The following ABCA12 variants were observed in gnomAD, a reference collection of about 807,000 sequenced individuals.
ABCA12 encodes the protein ATP binding cassette subfamily A member 12, also known as glucosylceramide transporter ABCA12.
Under a neutral mutation model 293.5 loss-of-function variants are expected in ABCA12, and 156 were observed. That is an observed-to-expected ratio of 0.53 (90% CI 0.47 to 0.61). The LOEUF (loss-of-function observed/expected upper bound fraction) is 0.61. Ranked by LOEUF, ABCA12 falls within the 20% of genes least tolerant of loss-of-function variation. ABCA12 has a pLI of 0.00. For missense variants in ABCA12, 2,797 were observed against 3,090.2 expected, an observed-to-expected ratio of 0.91 and a Z score of 2.25; for synonymous variants, 1,063 against 1,108.0, an observed-to-expected ratio of 0.96 and a Z score of 0.81.
At chr2:215,050,827 G>A in intron 5 of ABCA12, 11 of 985,236 alleles carry the variant, frequency 1.1e-5, no homozygotes, top group Non-Finnish European at 1.3e-5. Flanking sequence ...TCTTGCAAGT[G>A]TTGCAGAAAG....
chr2:215,018,384 G>T (rs1414958547), intron 13 of ABCA12, among the ~76,000 whole-genome samples: 1 of 152,116 alleles, frequency 6.6e-6, no homozygotes, highest in Non-Finnish European at 1.5e-5. Flanking sequence ...GTATCTACAA[G>T]TCAAGGTTTA....
At chr2:215,007,636 A>G in intron 19 of ABCA12, 91 bp downstream of exon 19, 1 of 1,512,964 alleles carries the variant, frequency 6.6e-7, no homozygotes, top group Non-Finnish European at 9.2e-7. Flanking sequence ...GAATACGGAA[A>G]GTTACCCCCT....
intron 11 of ABCA12, 127 bp from the exon 12 acceptor site, chr2:215,019,923 T>A: frequency 8.7e-7 from 1 of 1,143,916 alleles, no homozygotes; most frequent in Non-Finnish European, 1.3e-6. Context: ...TGTGGTTAGT[T>A]GGCATTTGGC....
intron 50 of ABCA12, among the ~76,000 whole-genome samples, chr2:214,937,947 T>C (rs1698272351): frequency 6.6e-6 from 1 of 152,150 alleles, no homozygotes; most frequent in Admixed American, 6.6e-5. Context: ...CTTCCCTTTT[T>C]TTCTTATTTT....
intron 2 of ABCA12, among the ~76,000 whole-genome samples, chr2:215,108,406 T>G (rs572057203): frequency 6.6e-6 from 1 of 152,176 alleles, no homozygotes; most frequent in Non-Finnish European, 1.5e-5. Context: ...TGTGAAAAAT[T>G]AGTACTGACT....
chr2:215,097,859 T>C (rs377409977), intron 2 of ABCA12, among the ~76,000 whole-genome samples: 10 of 152,304 alleles, frequency 6.6e-5, no homozygotes, highest in African/African-American at 2.4e-4. Flanking sequence ...AATTTCCACA[T>C]AAAACCAAAG....
Position 214,975,990 on chromosome 2 carries a change from G to A in ABCA12, c.5176C>T (p.Leu1726=). ...ATGAGTATAGCCATGATCTTCTTCAGCAACAGTCCAAAGCCATCCAGCCTC... is the reference window on the plus strand; with the variant it reads ...ATGAGTATAGCCATGATCTTCTTCAACAACAGTCCAAAGCCATCCAGCCTC... ...GERLDGFGLL[L]KKIMAILIKR... The change falls in exon 34 of 53, where the codon CTG becomes TTG. Residue 1726 remains leucine (L), a synonymous_variant. Coordinates refer to ENST00000272895, the MANE Select transcript of ABCA12 (RefSeq NM_173076.3). 6.2e-7 allele frequency: 1 copy of A among 1,614,048 alleles called. No homozygotes were observed. The highest frequency in any genetic ancestry group is 8.5e-7 in the Non-Finnish European group (1 of 1,179,984).
At chr2:214,945,781 A>T (rs1698563611) in intron 48 of ABCA12, among the ~76,000 whole-genome samples, 1 of 152,198 alleles carries the variant, frequency 6.6e-6, no homozygotes, top group Non-Finnish European at 1.5e-5. Context: ...TAAAAAATAT[A>T]CTTGTAACAA....
intron 3 of ABCA12, among the ~76,000 whole-genome samples, chr2:215,055,367 C>G (rs147163973): frequency 2.0e-5 from 3 of 152,166 alleles, no homozygotes; most frequent in African/African-American, 4.8e-5. Context: ...GTAACCCCCT[C>G]TTTTCTAAAA....
chr2:215,075,441 G>C (rs1701815644), intron 2 of ABCA12: 3 of 614,560 alleles, frequency 4.9e-6, no homozygotes, highest in Non-Finnish European at 8.6e-6. Context: ...AAGTACTCTA[G>C]TGAGTGAAGG....
chr2:215,132,818 C>T (rs2105919237), intron 1 of ABCA12, among the ~76,000 whole-genome samples: 1 of 152,132 alleles, frequency 6.6e-6, no homozygotes, highest in African/African-American at 2.4e-5. Context: ...TGTGCAGTTG[C>T]TTTACAAGAT....
At chr2:215,112,333 ATTTTT>A (rs35532740) in intron 1 of ABCA12, among the ~76,000 whole-genome samples, 3,616 of 126,688 alleles carry the variant, frequency 0.029, 113 homozygotes, top group African/African-American at 0.095. Flanking sequence ...ATAGTCAATG[ATTTTT>A]TTTTTTTTTT....
At chr2:215,002,295 A>T (rs1003054947) in intron 20 of ABCA12, among the ~76,000 whole-genome samples, 2 of 152,202 alleles carry the variant, frequency 1.3e-5, no homozygotes, top group African/African-American at 4.8e-5. Flanking sequence ...TCTTATGTGT[A>T]TATCTTAAAA....
chr2:215,131,000 T>C (rs1333044282), intron 1 of ABCA12, among the ~76,000 whole-genome samples: 1 of 152,066 alleles, frequency 6.6e-6, no homozygotes, highest in African/African-American at 2.4e-5. Flanking sequence ...TCTATTGAGA[T>C]GATCATATGG....
In ABCA12 at chr2:214,949,064, T is replaced by C. The variant is rs758803248; in HGVS notation, c.6938A>G (p.Asn2313Ser). ...LTGDIIPSSG[N>S]ILIRNKTGSL... ...CCCGGTCTTATTTCTGATCAGAATG[T>C]TTCCACTTGAAGGAATGATGTCTCC... Residue 2313 changes from asparagine to serine, a missense_variant, in exon 46 of 53, where the codon AAC (asparagine) becomes AGC (serine). Coordinates refer to ENST00000272895, the MANE Select transcript of ABCA12 (RefSeq NM_173076.3). 2 of 1,613,866 alleles carry C rather than the reference T, an allele frequency of 1.2e-6. No individual in the cohort carries two copies. Among genetic ancestry groups the C allele is most frequent in the South Asian group, 2.2e-5 (2 of 91,074 alleles).
At chr2:214,948,979 C>A in intron 46 of ABCA12, 61 bp downstream of exon 46, 1 of 1,411,274 alleles carries the variant, frequency 7.1e-7, no homozygotes, top group South Asian at 1.2e-5. Context: ...ATGTTCATTT[C>A]AATTATTTTT....
chr2:215,089,016 G>T (rs955267892), intron 2 of ABCA12, among the ~76,000 whole-genome samples: 7 of 152,070 alleles, frequency 4.6e-5, no homozygotes, highest in African/African-American at 1.7e-4. Flanking sequence ...TCTGATAAAT[G>T]CCAGGCACAT....
intron 50 of ABCA12, among the ~76,000 whole-genome samples, chr2:214,937,904 T>C (rs1698270519): frequency 1.3e-5 from 2 of 152,184 alleles, no homozygotes; most frequent in African/African-American, 2.4e-5. Context: ...CATTCATAAA[T>C]CGGCAATGGA....
At chr2:215,041,761 C>T (rs10169059) in intron 7 of ABCA12, among the ~76,000 whole-genome samples, 12,897 of 152,078 alleles carry the variant, frequency 0.085, 1,534 homozygotes, top group African/African-American at 0.27. Context: ...TGGAGATAAC[C>T]TAAATGTCCA....
Sources: allele counts gnomAD v4.1 joint callset (sites outside exome capture counted in the v4.1 genomes callset), GRCh38; gene constraint gnomAD v4.1.1; transcripts MANE v1.5; gene names NCBI Gene and HGNC (gene_info 2026-07-23, HGNC 2026-07-21).